The following SYNDIG1L variants were observed in gnomAD, a reference collection of about 807,000 sequenced individuals.
SYNDIG1L encodes the protein synapse differentiation-inducing gene protein 1-like.
SYNDIG1L carries 13 observed loss-of-function variants against 20.1 expected under a neutral mutation model. The observed-to-expected ratio is 0.65, with a 90% CI of 0.42 to 1.03. SYNDIG1L has a LOEUF of 1.03. Ranked by LOEUF, SYNDIG1L falls within the 50% of genes least tolerant of loss-of-function variation. The pLI is 0.00. For synonymous variants in SYNDIG1L, 128 were observed against 129.3 expected (o/e 0.99, Z 0.07); for missense variants, 294 against 305.1 (o/e 0.96, Z 0.27).
At chr14:74,441,112 A>G in the SYNDIG1L span, among the ~76,000 whole-genome samples, 2 of 152,264 alleles carry the variant, frequency 1.3e-5, no homozygotes, top group Non-Finnish European at 2.9e-5. Context: ...AGAAGCAGCC[A>G]CACTGCTACT....
In SYNDIG1L at chr14:74,407,637, C is replaced by T. The variant is rs769150285; in HGVS notation, c.615G>A (p.Arg205=). The change falls in exon 4 of 4, where the codon CGG becomes CGA. Residue 205 remains arginine (R), a synonymous_variant. Coordinates refer to ENST00000331628, the MANE Select transcript of SYNDIG1L (RefSeq NM_001105579.2). ...DFRLASTTSR[R]ALFLATLAIA... ...TGGCGAGTGTGGCTAGGAAGAGGGC[C>T]CGGCGGGAGGTGGTGCTGGCCAGGC... 3.1e-6 allele frequency: 5 copies of T among 1,613,888 alleles called. No individual in the cohort carries two copies. The South Asian group carries it at 5.5e-5, about 18-fold the overall frequency.
At chr14:74,466,359 T>G in the SYNDIG1L span, among the ~76,000 whole-genome samples, 2 of 152,046 alleles carry the variant, frequency 1.3e-5, no homozygotes, top group African/African-American at 2.4e-5. Context: ...GATGGATGGA[T>G]GGATAAATGG....
chr14:74,470,963 T>C, the SYNDIG1L span, among the ~76,000 whole-genome samples: 1 of 152,196 alleles, frequency 6.6e-6, no homozygotes, highest in African/African-American at 2.4e-5. Flanking sequence ...TTGTTGTGCA[T>C]GGTTTCAAGG....
chr14:74,477,365 A>C, the SYNDIG1L span, among the ~76,000 whole-genome samples: 1 of 152,132 alleles, frequency 6.6e-6, no homozygotes, highest in Non-Finnish European at 1.5e-5. Context: ...TCTGAAGTGA[A>C]TGGCTGATCC....
At chr14:74,422,514 C>T (rs1315006357) in intron 1 of SYNDIG1L, among the ~76,000 whole-genome samples, 2 of 152,012 alleles carry the variant, frequency 1.3e-5, no homozygotes, top group Non-Finnish European at 2.9e-5. Context: ...CTAGGATGCA[C>T]AGATGAATTG....
intron 1 of SYNDIG1L, among the ~76,000 whole-genome samples, chr14:74,415,739 C>T (rs2086169260): frequency 6.6e-6 from 1 of 151,970 alleles, no homozygotes; most frequent in African/African-American, 2.4e-5. Context: ...CAGGGTTTTG[C>T]CATGTTTCCC....
At chr14:74,451,271 C>T in the SYNDIG1L span, among the ~76,000 whole-genome samples, 17 of 152,130 alleles carry the variant, frequency 1.1e-4, no homozygotes, top group Non-Finnish European at 2.1e-4. Context: ...CATATATGAA[C>T]AACTGGTTTT....
intron 1 of SYNDIG1L, among the ~76,000 whole-genome samples, chr14:74,410,923 G>T (rs958501123): frequency 6.6e-6 from 1 of 152,156 alleles, no homozygotes; most frequent in Non-Finnish European, 1.5e-5. Context: ...ATCCCGTTTG[G>T]AAGTATGGAG....
Sources: allele counts gnomAD v4.1 joint callset (sites outside exome capture counted in the v4.1 genomes callset), GRCh38; gene constraint gnomAD v4.1.1; transcripts MANE v1.5; gene names NCBI Gene and HGNC (gene_info 2026-07-23, HGNC 2026-07-21).